Variants in ZFP14 observed in about 807,000 individuals in gnomAD.
ZFP14 encodes the protein ZFP14 zinc finger protein.
ZFP14 carries 22 observed loss-of-function variants against 54.5 expected under a neutral mutation model. The observed-to-expected ratio is 0.40, with a 90% CI of 0.29 to 0.58. The LOEUF (loss-of-function observed/expected upper bound fraction) is 0.58, where lower values mean the gene tolerates loss of function less well. Among genes scored for constraint, ZFP14 ranks in the 20% least tolerant of loss-of-function variants. The pLI is 0.39. For missense variants in ZFP14, 470 were observed against 637.8 expected, an observed-to-expected ratio of 0.74 and a Z score of 2.83; for synonymous variants, 159 against 204.0, an observed-to-expected ratio of 0.78 and a Z score of 1.88.
At chr19:36,375,064 A>G (rs1380104581) in intron 1 of ZFP14, among the ~76,000 whole-genome samples, 3 of 152,108 alleles carry the variant, frequency 2.0e-5, no homozygotes, top group Admixed American at 1.3e-4. Flanking sequence ...GATGTCTTCT[A>G]AGCACTGAAG....
At chr19:36,345,028 C>T (rs1191593180) in intron 4 of ZFP14, among the ~76,000 whole-genome samples, 2 of 152,112 alleles carry the variant, frequency 1.3e-5, no homozygotes, top group Non-Finnish European at 2.9e-5. Flanking sequence ...TTTGGGAGGC[C>T]GAGGGGGCAG....
chr19:36,370,115 C>T (rs2031857592), intron 1 of ZFP14, among the ~76,000 whole-genome samples: 1 of 152,174 alleles, frequency 6.6e-6, no homozygotes, highest in Non-Finnish European at 1.5e-5. Context: ...AATGCCTTCA[C>T]AATAGCTAAG....
Position 36,338,375 on chromosome 19 carries a change from G to A in ZFP14, c.*1849C>T, listed in dbSNP as rs2031245038. The A allele has an allele frequency of 6.6e-6, 1 of 152,016 alleles. No homozygotes were observed. Among genetic ancestry groups the A allele is most frequent in the Non-Finnish European group, 1.5e-5 (1 of 68,012 alleles). 9.4% of individuals were successfully genotyped at this position (152,016 alleles called of 1,614,324 possible). On this transcript the variant is annotated 3_prime_UTR_variant, in exon 5 of 5. Coordinates refer to ENST00000270001, the MANE Select transcript of ZFP14 (RefSeq NM_020917.3). ...GAAACTAAATGACAATTTTTCCTCT[G>A]ATTTATTGATTTCAAGAATAATGAG... is the stretch of plus-strand genomic sequence containing the variant.
rs576683213 is a variant in ZFP14, at chr19:36,373,365, C to T, written c.-79-5394G>A. On this transcript the variant is annotated intron_variant, in intron 1 of 4. Transcript: ENST00000270001. ...AAGTAGAGAGTAGAATGGTAGTTAC[C>T]AGAATCTGGGGTAGTTGGGGGTGGG... 2.7e-5 allele frequency among the ~76,000 whole-genome samples: 4 copies of T among 150,914 alleles called. No homozygotes were observed. The South Asian group carries it at 6.3e-4, about 24-fold the overall frequency.
At chr19:36,347,187 T>C (rs1402641323) in intron 4 of ZFP14, among the ~76,000 whole-genome samples, 2 of 152,186 alleles carry the variant, frequency 1.3e-5, no homozygotes, top group African/African-American at 2.4e-5. Context: ...ACTTGTCAGC[T>C]TGCAAGTAGG....
intron 1 of ZFP14, among the ~76,000 whole-genome samples, chr19:36,377,276 G>A (rs146947900): frequency 7.9e-5 from 12 of 152,254 alleles, no homozygotes; most frequent in Admixed American, 2.0e-4. Context: ...AAAGTTCTAC[G>A]TGGTGGCTCA....
intron 1 of ZFP14, among the ~76,000 whole-genome samples, chr19:36,375,274 TAA>T (rs1490562468): frequency 6.6e-6 from 1 of 152,116 alleles, no homozygotes; most frequent in African/African-American, 2.4e-5. Context: ...GTTACCTCCA[TAA>T]AGACCCTGTA....
rs888021215 is a variant in ZFP14 at position 36,338,513 on chromosome 19, C to T, written c.*1711G>A. On this transcript the variant is annotated 3_prime_UTR_variant, in exon 5 of 5. Transcript: ENST00000270001. ...CCAGCCTGGGCAACATAGTGAGACCCTTTCTCTAAAAAAAAAAAAAAAATT... is the reference window on the plus strand; with the variant it reads ...CCAGCCTGGGCAACATAGTGAGACCTTTTCTCTAAAAAAAAAAAAAAAATT... The T allele has an allele frequency of 6.7e-6, 1 of 150,092 alleles. No homozygotes were observed. Among genetic ancestry groups the T allele is most frequent in the African/African-American group, 2.5e-5 (1 of 40,488 alleles). The allele number at this position is 150,092 out of a possible 1,614,324, so 9.3% of individuals were successfully genotyped here. A position where few individuals can be genotyped will look rare whatever the true frequency, so the allele number is the denominator to read the frequency against.
chr19:36,367,317 A>C (rs2031809769), intron 2 of ZFP14, among the ~76,000 whole-genome samples: 1 of 152,190 alleles, frequency 6.6e-6, no homozygotes, highest in African/African-American at 2.4e-5. Context: ...GACATTCTGC[A>C]GAGAATGCCT....
At chr19:36,369,663 A>T (rs2031851203) in intron 1 of ZFP14, among the ~76,000 whole-genome samples, 1 of 151,894 alleles carries the variant, frequency 6.6e-6, no homozygotes, top group Non-Finnish European at 1.5e-5. Context: ...CACCCGCCTC[A>T]GCCTCCTAAA....
At chr19:36,356,439 A>G (rs2031615254) in intron 4 of ZFP14, among the ~76,000 whole-genome samples, 1 of 151,784 alleles carries the variant, frequency 6.6e-6, no homozygotes, top group Non-Finnish European at 1.5e-5. Flanking sequence ...AAAAAAAAAA[A>G]GAAAGAAATT....
At chr19:36,367,802 A>G (rs1302905942) in intron 2 of ZFP14, 82 bp downstream of exon 2, 5 of 1,494,410 alleles carry the variant, frequency 3.3e-6, no homozygotes, top group African/African-American at 1.4e-5. Flanking sequence ...GTAAGCAGGA[A>G]GTTTCAGAAT....
At position 36,379,143 on chromosome 19, in the gene ZFP14, G is replaced by C. The variant is rs2032011353; in HGVS notation, c.-80+20C>G. On this transcript the variant is annotated intron_variant, in intron 1 of 4. Coordinates refer to ENST00000270001, the MANE Select transcript of ZFP14 (RefSeq NM_020917.3). The stretch of plus-strand genomic sequence containing the variant: ...GCGCCACCCCCGCGCCCATTGCCTC[G>C]GTGCAAGCGACCAACTCACCTCTCG... The C allele has an allele frequency of 6.6e-6, 1 of 152,396 alleles. No individual in the cohort carries two copies. The highest frequency in any genetic ancestry group is 2.1e-4 in the South Asian group (1 of 4,820). The allele number at this position is 152,396 out of a possible 1,614,324, so 9.4% of individuals were successfully genotyped here. A position where few individuals can be genotyped will look rare whatever the true frequency, so the allele number is the denominator to read the frequency against.
intron 4 of ZFP14, among the ~76,000 whole-genome samples, chr19:36,359,907 G>A (rs554620676): frequency 2.6e-5 from 4 of 151,952 alleles, no homozygotes; most frequent in Non-Finnish European, 2.9e-5. Flanking sequence ...AGCCTGCCTC[G>A]GCCTCCCAAA....
intron 1 of ZFP14, among the ~76,000 whole-genome samples, chr19:36,375,199 G>T (rs1007387583): frequency 3.3e-5 from 5 of 152,052 alleles, no homozygotes; most frequent in Non-Finnish European, 5.9e-5. Context: ...TTGACCAACT[G>T]GTCTCACTTT....
chr19:36,352,306 A>C (rs2031541292), intron 4 of ZFP14, among the ~76,000 whole-genome samples: 1 of 143,830 alleles, frequency 7.0e-6, no homozygotes. Flanking sequence ...CACAAGAAGA[A>C]AAATAAATGT....
At chr19:36,369,359 C>G (rs901459063) in intron 1 of ZFP14, among the ~76,000 whole-genome samples, 2 of 152,096 alleles carry the variant, frequency 1.3e-5, no homozygotes, top group Non-Finnish European at 2.9e-5. Context: ...TGTTTTGAAT[C>G]TACATTTCTC....
At chr19:36,356,839 C>T (rs1462221645) in intron 4 of ZFP14, among the ~76,000 whole-genome samples, 1 of 151,902 alleles carries the variant, frequency 6.6e-6, no homozygotes, top group Non-Finnish European at 1.5e-5. Flanking sequence ...TCAGTTTATT[C>T]ATGGTATTGG....
intron 4 of ZFP14, among the ~76,000 whole-genome samples, chr19:36,346,968 G>A (rs888198984): frequency 6.6e-6 from 1 of 152,176 alleles, no homozygotes; most frequent in Non-Finnish European, 1.5e-5. Context: ...TATTGCCCAC[G>A]ATGAATGATT....
Sources: allele counts gnomAD v4.1 joint callset (sites outside exome capture counted in the v4.1 genomes callset), GRCh38; gene constraint gnomAD v4.1.1; transcripts MANE v1.5; gene names NCBI Gene and HGNC (gene_info 2026-07-23, HGNC 2026-07-21).